TPR: variants seen among roughly 807,000 people sequenced by gnomAD.
TPR encodes nucleoprotein TPR.
TPR carries 51 observed loss-of-function variants against 316.1 expected under a neutral mutation model. The observed-to-expected ratio is 0.16, with a 90% confidence interval of 0.13 to 0.20. The LOEUF is 0.20. Among genes scored for constraint, TPR ranks in the 10% least tolerant of loss-of-function variants. The pLI is 1.00. For synonymous variants in TPR, 981 were observed against 914.7 expected (o/e 1.07, Z -1.31); for missense variants, 2,272 against 2,754.8 (o/e 0.82, Z 3.92).
In TPR at chr1:186,343,370, G is replaced by T; in HGVS notation, c.3706C>A (p.Gln1236Lys). ...GCATTTAGACTATCTTGCAGTTCCT[G>T]CAGCTCTCTTTCTAAAAGTTCAACC... ...QRVELLERELQELQDSLNAER... is the reference protein window; with the variant it reads ...QRVELLERELKELQDSLNAER... The change falls in exon 27 of 51, where the codon CAG (glutamine) becomes AAG (lysine). Residue 1236 changes from glutamine (Q) to lysine (K), a missense_variant. Around this residue, in one of 10 missense-constraint regions of TPR, gnomAD observed 757 missense variants for 859.8 expected, o/e 0.88. Transcript: ENST00000367478. 3 of 1,614,040 alleles carry T rather than the reference G, an allele frequency of 1.9e-6. No individual in the cohort carries two copies. Among genetic ancestry groups the T allele is most frequent in the Non-Finnish European group, 2.5e-6 (3 of 1,179,978 alleles).
chr1:186,369,989 T>C (rs1196566110), intron 3 of TPR, among the ~76,000 whole-genome samples: 3 of 152,164 alleles, frequency 2.0e-5, no homozygotes, highest in Admixed American at 2.0e-4. Flanking sequence ...TTTATAAAGA[T>C]TTTGTGACAG....
Position 186,336,593 on chromosome 1 carries a change from G to A in TPR, c.4608C>T (p.Thr1536=). 1 of 1,613,804 alleles carries A rather than the reference G, an allele frequency of 6.2e-7. No homozygotes were observed. Among genetic ancestry groups the A allele is most frequent in the Non-Finnish European group, 8.5e-7 (1 of 1,179,882 alleles). ...GTTGTCGGAGCTGCTCCTCCTGTGT[G>A]GTTCTATCTTGAAGATCCTGACGAA... ...SRLRQDLQDR[T]TQEEQLRQQI... The change falls in exon 33 of 51, where the codon ACC becomes ACT. Residue 1536 remains threonine, a synonymous_variant. Transcript: ENST00000367478.
At position 186,346,171 on chromosome 1, in the gene TPR, A is replaced by T; in HGVS notation, c.3060T>A (p.Asp1020Glu). The T allele has an allele frequency of 6.2e-7, 1 of 1,613,104 alleles. No homozygotes were observed. Among genetic ancestry groups the T allele is most frequent in the South Asian group, 1.1e-5 (1 of 91,014 alleles). The change falls in exon 23 of 51, where the codon GAT becomes GAA. Residue 1020 changes from aspartate to glutamate, a missense_variant. Asp to Glu is a conservative substitution (Grantham distance 45). Around this residue, in one of 10 missense-constraint regions of TPR, gnomAD observed 757 missense variants for 859.8 expected, o/e 0.88. Transcript: ENST00000367478. The stretch of plus-strand genomic sequence containing the variant: ...TGCTCTCTATGGCTCTTCTTTTATC[A>T]TCCTGAAGTTCTTGTTTTTCCTTCT... ...EVEKEKQELQ[D>E]DKRRAIESME...
intron 50 of TPR, chr1:186,314,428 A>G (rs1657519099): frequency 5.2e-6 from 2 of 385,634 alleles, no homozygotes; most frequent in Non-Finnish European, 9.2e-6. Flanking sequence ...ATATAAGCAC[A>G]TATTTATTAT....
chr1:186,346,734 GAA>G (rs955141515), intron 22 of TPR, among the ~76,000 whole-genome samples: 2 of 150,858 alleles, frequency 1.3e-5, no homozygotes, highest in African/African-American at 4.9e-5. Flanking sequence ...TTTCTAACCA[GAA>G]AAAAGAAAAA....
At chr1:186,363,316 T>A (rs560233014) in intron 5 of TPR, 26 bp downstream of exon 5, 2 of 1,519,162 alleles carry the variant, frequency 1.3e-6, no homozygotes, top group East Asian at 4.5e-5. Flanking sequence ...CTATAGTTTA[T>A]GCATTAGGAA....
rs990651752 is a variant in TPR, at chr1:186,333,158, C to G, written c.5419G>C (p.Glu1807Gln). The G allele has an allele frequency of 4.3e-6, 7 of 1,613,428 alleles. No homozygotes were observed. The highest frequency in any genetic ancestry group is 1.1e-5 in the South Asian group (1 of 91,060). Residue 1807 changes from glutamate (E) to glutamine (Q), a missense_variant, in exon 37 of 51, where the codon GAG becomes CAG. By Grantham distance (29) the Glu-to-Gln change is conservative. Transcript: ENST00000367478. ...IVEVVQSSPVERPSTSTAVFG... is the reference protein window; with the variant it reads ...IVEVVQSSPVQRPSTSTAVFG... Reference sequence around the variant, plus strand: ...ACTGCTGTGGAAGTAGAAGGCCGCTCAACTGGTGAACTCTGAACAACCTCT... The same window carrying G: ...ACTGCTGTGGAAGTAGAAGGCCGCTGAACTGGTGAACTCTGAACAACCTCT...
At chr1:186,319,510 A>G (rs376620315) in intron 46 of TPR, among the ~76,000 whole-genome samples, 1 of 152,206 alleles carries the variant, frequency 6.6e-6, no homozygotes, top group Non-Finnish European at 1.5e-5. Flanking sequence ...AAGTCTAGGA[A>G]ACTGTATTAA....
rs1429210176 is a variant in TPR at position 186,363,366 on chromosome 1, A to G, written c.507T>C (p.Leu169=). Residue 169 remains leucine (L), a synonymous_variant, in exon 5 of 51, where the codon CTT becomes CTC. Coordinates refer to ENST00000367478, the MANE Select transcript of TPR (RefSeq NM_003292.3). ...CCTTAACAGAAACATCAGAAGCTTG[A>G]AGTTCATCCAATTTTAACTGAAGTT... ...KGELQLKLDE[L]QASDVSVKYR... 1 of 1,612,706 alleles carries G rather than the reference A, an allele frequency of 6.2e-7. No individual in the cohort carries two copies. Among genetic ancestry groups the G allele is most frequent in the South Asian group, 1.1e-5 (1 of 91,018 alleles).
intron 24 of TPR, among the ~76,000 whole-genome samples, 167 bp from the exon 25 acceptor site, chr1:186,344,745 T>C (rs1164128368): frequency 6.6e-6 from 1 of 152,184 alleles, no homozygotes; most frequent in African/African-American, 2.4e-5. Context: ...TTACTTAATA[T>C]TATAAAACTG....
In TPR at chr1:186,362,838, T is replaced by A; in HGVS notation, c.695A>T (p.Glu232Val). 6.3e-7 allele frequency: 1 copy of A among 1,581,984 alleles called. No homozygotes were observed. The highest frequency in any genetic ancestry group is 8.5e-7 in the Non-Finnish European group (1 of 1,170,906). ...LKCNLENKKEEVSRLEEQMNG... is the reference protein window; with the variant it reads ...LKCNLENKKEVVSRLEEQMNG... ...AAAAACACAATTTTACTAACTTACCTCTTCTTTTTTATTTTCAAGATTACA... is the reference window on the plus strand; with the variant it reads ...AAAAACACAATTTTACTAACTTACCACTTCTTTTTTATTTTCAAGATTACA... The change falls in exon 6 of 51, where the codon GAG becomes GTG. Residue 232 changes from glutamate (E) to valine (V), a missense_variant and splice_region_variant. Coordinates refer to ENST00000367478, the MANE Select transcript of TPR (RefSeq NM_003292.3).
At chr1:186,353,122 C>T (rs774266657) in intron 18 of TPR, among the ~76,000 whole-genome samples, 3 of 152,176 alleles carry the variant, frequency 2.0e-5, no homozygotes, top group Non-Finnish European at 4.4e-5. Context: ...CCTGTAATCC[C>T]AGCACTTTGG....
chr1:186,314,608 C>T (rs764759364), intron 50 of TPR, 21 bp downstream of exon 50: 2 of 1,571,148 alleles, frequency 1.3e-6, no homozygotes, highest in Non-Finnish European at 1.7e-6. Context: ...ATCATGTAAT[C>T]CAGTTATGTC....
In TPR at chr1:186,356,337, T is replaced by A; in HGVS notation, c.1837A>T (p.Met613Leu). The A allele has an allele frequency of 2.5e-6, 4 of 1,613,710 alleles. No individual in the cohort carries two copies. The East Asian group carries it at 6.7e-5, about 27-fold the overall frequency. Residue 613 changes from methionine to leucine, a missense_variant, in exon 15 of 51, where the codon ATG becomes TTG. Met to Leu is a conservative substitution (Grantham distance 15). This residue lies in a region of TPR where 757 missense variants were observed against 859.8 expected (regional missense o/e 0.88). Transcript: ENST00000367478. ...GTTTGTGACAATAAAATACGGTACA[T>A]ATCACGCTGACGAACTATGGAATCA... ...LVDSIVRQRD[M>L]YRILLSQTTG...
Position 186,362,909 on chromosome 1 carries a change from A to G in TPR, c.624T>C (p.Leu208=). The G allele has an allele frequency of 6.2e-7, 1 of 1,611,654 alleles. No individual in the cohort carries two copies. The highest frequency in any genetic ancestry group is 8.5e-7 in the Non-Finnish European group (1 of 1,178,986). The change falls in exon 6 of 51, where the codon CTT becomes CTC. Residue 208 remains leucine, a synonymous_variant. Coordinates refer to ENST00000367478, the MANE Select transcript of TPR (RefSeq NM_003292.3). ...TCCCTTTTTCTCTTCCAAGAGCCAG[A>G]AGTTCATCAGTTTTGGTTTTCAACT... ...NTELKTKTDE[L]LALGREKGNE...
rs375456219 is a variant in TPR at position 186,313,706 on chromosome 1, T to G, written c.*265A>C. ...ATCAATACTATAACATTGATGTGCC[T>G]AGTAGAACAGCAAGAGCAATTACTA... is the stretch of plus-strand genomic sequence containing the variant. On this transcript the variant is annotated 3_prime_UTR_variant, in exon 51 of 51. Coordinates refer to ENST00000367478, the MANE Select transcript of TPR (RefSeq NM_003292.3). 7 of 1,606,890 alleles carry G rather than the reference T, an allele frequency of 4.4e-6. No individual in the cohort carries two copies. Among genetic ancestry groups the G allele is most frequent in the Non-Finnish European group, 6.0e-6 (7 of 1,173,556 alleles).
intron 40 of TPR, among the ~76,000 whole-genome samples, chr1:186,326,888 A>T (rs1233173926): frequency 1.4e-5 from 2 of 142,074 alleles, no homozygotes; most frequent in African/African-American, 5.2e-5. Flanking sequence ...ACAAAATTTT[A>T]AAAATGGGCA....
intron 2 of TPR, among the ~76,000 whole-genome samples, chr1:186,372,023 A>G (rs77668859): frequency 0.041 from 6,192 of 152,248 alleles, 422 homozygotes; most frequent in African/African-American, 0.14. Flanking sequence ...TGGCTAGGCA[A>G]AACTACATAG....
In TPR at chr1:186,333,158, C is replaced by A; in HGVS notation, c.5419G>T (p.Glu1807Ter). Residue 1807 changes from glutamate to a stop codon, truncating the protein, a stop_gained, in exon 37 of 51, where the codon GAG becomes TAG. Coordinates refer to ENST00000367478, the MANE Select transcript of TPR (RefSeq NM_003292.3). LOFTEE classifies it high-confidence loss of function. ...IVEVVQSSPV[E>*]RPSTSTAVFG... ...ACTGCTGTGGAAGTAGAAGGCCGCT[C>A]AACTGGTGAACTCTGAACAACCTCT... 6.2e-7 allele frequency: 1 copy of A among 1,613,428 alleles called. No individual in the cohort carries two copies. Among genetic ancestry groups the A allele is most frequent in the South Asian group, 1.1e-5 (1 of 91,060 alleles).
Sources: allele counts gnomAD v4.1 joint callset (sites outside exome capture counted in the v4.1 genomes callset), GRCh38; gene constraint gnomAD v4.1.1; regional missense constraint gnomAD v4.1.1; transcripts MANE v1.5; gene names NCBI Gene and HGNC (gene_info 2026-07-23, HGNC 2026-07-21).